The following TCF7L2 variants were observed in gnomAD, a reference collection of about 807,000 sequenced individuals.
TCF7L2 encodes the protein transcription factor 7-like 2.
In TCF7L2, 23 loss-of-function variants were observed where a neutral mutation model predicts 77.9. The observed-to-expected ratio is 0.30, with a 90% confidence interval of 0.21 to 0.42. The LOEUF is 0.42. Among genes scored for constraint, TCF7L2 ranks in the 10% least tolerant of loss-of-function variants. The pLI, the probability that TCF7L2 is intolerant of heterozygous loss-of-function variation, is 1.00. For missense variants in TCF7L2, 654 were observed against 793.1 expected (o/e 0.82, Z 2.11); for synonymous variants, 413 against 340.2 (o/e 1.21, Z -2.36).
chr10:113,128,427 C>T (rs532600597), intron 5 of TCF7L2, among the ~76,000 whole-genome samples: 16 of 152,160 alleles, frequency 1.1e-4, no homozygotes, highest in Admixed American at 9.2e-4. Context: ...TAAAGACCTA[C>T]ATCGTGAAAA....
At chr10:113,056,138 C>T (rs2055336711) in intron 5 of TCF7L2, among the ~76,000 whole-genome samples, 1 of 152,158 alleles carries the variant, frequency 6.6e-6, no homozygotes, top group Admixed American at 6.5e-5. Flanking sequence ...TATTTTATCT[C>T]ATCAGTCTTT....
At chr10:112,981,559 C>T (rs532074141) in intron 4 of TCF7L2, among the ~76,000 whole-genome samples, 10 of 152,220 alleles carry the variant, frequency 6.6e-5, no homozygotes, top group Non-Finnish European at 1.3e-4. Context: ...TTCCTACCAC[C>T]ACCCTCTTTG....
intron 5 of TCF7L2, among the ~76,000 whole-genome samples, chr10:113,122,796 T>C (rs1239455419): frequency 6.6e-6 from 1 of 152,188 alleles, no homozygotes; most frequent in Non-Finnish European, 1.5e-5. Context: ...GATGGGAAAG[T>C]GTGGTCCGGA....
chr10:113,042,217 G>A (rs1400863346), intron 5 of TCF7L2, among the ~76,000 whole-genome samples: 3 of 152,190 alleles, frequency 2.0e-5, no homozygotes, highest in African/African-American at 7.2e-5. Flanking sequence ...ATTTTGGCCA[G>A]GGGTGCAGCA....
chr10:113,056,821 G>A (rs1303963099), intron 5 of TCF7L2, among the ~76,000 whole-genome samples: 2 of 152,130 alleles, frequency 1.3e-5, no homozygotes, highest in East Asian at 1.9e-4. Context: ...AAGCGTCATC[G>A]CCTCAGATGG....
chr10:113,066,160 C>T (rs559837493), intron 5 of TCF7L2, among the ~76,000 whole-genome samples: 197 of 152,140 alleles, frequency 1.3e-3, no homozygotes, highest in African/African-American at 4.4e-3. Context: ...ATCAGGAGTA[C>T]GAGACCAGCC....
intron 4 of TCF7L2, among the ~76,000 whole-genome samples, chr10:113,017,095 A>G (rs2047469547): frequency 6.6e-6 from 1 of 152,170 alleles, no homozygotes; most frequent in South Asian, 2.1e-4. Flanking sequence ...TCCTATAAAC[A>G]TGGAACAGCC....
chr10:113,079,824 A>C (rs774483722), intron 5 of TCF7L2, among the ~76,000 whole-genome samples: 8 of 151,968 alleles, frequency 5.3e-5, no homozygotes, highest in Non-Finnish European at 1.0e-4. Flanking sequence ...TGCCCGGCTA[A>C]TTTTTGTATT....
chr10:113,157,258 A>G (rs990888496), intron 11 of TCF7L2, among the ~76,000 whole-genome samples: 2 of 152,200 alleles, frequency 1.3e-5, no homozygotes, highest in African/African-American at 2.4e-5. Context: ...AGCTGGGGCT[A>G]CAGGCATGCA....
chr10:113,132,578 A>G (rs1233971140), intron 5 of TCF7L2, among the ~76,000 whole-genome samples: 2 of 152,092 alleles, frequency 1.3e-5, no homozygotes, highest in East Asian at 1.9e-4. Context: ...TTATTTGTTA[A>G]AAGTTGTTTT....
At chr10:113,087,578 A>G (rs1321782448) in intron 5 of TCF7L2, among the ~76,000 whole-genome samples, 1 of 152,188 alleles carries the variant, frequency 6.6e-6, no homozygotes, top group Non-Finnish European at 1.5e-5. Context: ...TTTACAAATC[A>G]GCTCTGTGAA....
intron 5 of TCF7L2, among the ~76,000 whole-genome samples, chr10:113,080,554 C>T (rs541232325): frequency 6.6e-6 from 1 of 152,246 alleles, no homozygotes; most frequent in Admixed American, 6.5e-5. Flanking sequence ...TCAAGTTGAT[C>T]CTGCCTGTGG....
At chr10:113,068,529 G>T (rs1038248739) in intron 5 of TCF7L2, among the ~76,000 whole-genome samples, 13 of 152,282 alleles carry the variant, frequency 8.5e-5, no homozygotes, top group Non-Finnish European at 1.8e-4. Context: ...TGCCATGGCA[G>T]CTGGGCCTCG....
Position 113,143,926 on chromosome 10 carries a change from T to C in TCF7L2, c.689T>C (p.Ile230Thr), listed in dbSNP as rs1474516239. 6.2e-7 allele frequency: 1 copy of C among 1,612,600 alleles called. No homozygotes were observed. Among genetic ancestry groups the C allele is most frequent in the South Asian group, 1.1e-5 (1 of 90,844 alleles). ...AAAATGCTGCTTCTTCCCTCAGGAA[T>C]CCCACGGCCTCCGCACCCTCCAGAT... Residue 230 changes from isoleucine to threonine, a missense_variant, in exon 7 of 14, where the codon ATC (isoleucine) becomes ACC (threonine). Physicochemically the swap from Ile to Thr is moderately conservative, Grantham distance 89. Coordinates refer to ENST00000627217, the MANE Select transcript of TCF7L2 (RefSeq NM_001146274.2).
intron 7 of TCF7L2, 56 bp downstream of exon 7, chr10:113,144,081 A>G: frequency 3.0e-6 from 4 of 1,345,286 alleles, no homozygotes; most frequent in Non-Finnish European, 4.2e-6. Flanking sequence ...CATGTTTATT[A>G]TTTATTCTGT....
intron 4 of TCF7L2, among the ~76,000 whole-genome samples, chr10:113,007,104 T>G (rs2045686179): frequency 6.6e-6 from 1 of 152,254 alleles, no homozygotes; most frequent in African/African-American, 2.4e-5. Context: ...AACAAATGCT[T>G]TCTTCCTAGG....
chr10:113,053,777 A>G (rs1050556944), intron 5 of TCF7L2, among the ~76,000 whole-genome samples: 22 of 152,190 alleles, frequency 1.4e-4, no homozygotes, highest in Admixed American at 1.3e-3. Flanking sequence ...TAAGTAATTT[A>G]TGAAGTTGTC....
chr10:113,061,585 C>T (rs2056452428), intron 5 of TCF7L2, among the ~76,000 whole-genome samples: 1 of 152,162 alleles, frequency 6.6e-6, no homozygotes, highest in Non-Finnish European at 1.5e-5. Flanking sequence ...ACAAATATTT[C>T]ACACGTTATT....
intron 5 of TCF7L2, among the ~76,000 whole-genome samples, chr10:113,051,238 C>G (rs1385396529): frequency 7.0e-6 from 1 of 143,058 alleles, no homozygotes. Context: ...CACACACACA[C>G]ACACAGACAC....
Sources: gnomAD v4.1 joint callset for allele counts (sites outside exome capture counted in the v4.1 genomes callset) on GRCh38, gnomAD v4.1.1 for gene constraint, MANE v1.5 for transcripts, NCBI Gene and HGNC (gene_info 2026-07-23, HGNC 2026-07-21) for gene names.